Variants in SDK1 observed in about 807,000 individuals in gnomAD.
SDK1 encodes protein sidekick-1.
In SDK1, 157 loss-of-function variants were observed where a neutral mutation model predicts 245.5. The observed-to-expected ratio is 0.64, with a 90% CI of 0.56 to 0.73. The LOEUF (loss-of-function observed/expected upper bound fraction) is 0.73. SDK1 is among the 30% of genes least tolerant of loss of function. The pLI is 0.00. For missense variants in SDK1, 3,583 were observed against 3,002.3 expected (o/e 1.19, Z -4.52); for synonymous variants, 1,647 against 1,278.5 (o/e 1.29, Z -6.15).
intron 14 of SDK1, among the ~76,000 whole-genome samples, chr7:3,996,807 T>G (rs1583774180): frequency 6.6e-6 from 1 of 152,388 alleles, no homozygotes; most frequent in East Asian, 1.9e-4. Flanking sequence ...TATTGTTTTC[T>G]TTTTGTTTTT....
intron 31 of SDK1, among the ~76,000 whole-genome samples, chr7:4,161,570 G>A (rs373126473): frequency 3.3e-5 from 5 of 152,136 alleles, no homozygotes; most frequent in African/African-American, 1.2e-4. Context: ...TCTGTTTCTC[G>A]GGGCCATTGT....
intron 28 of SDK1, among the ~76,000 whole-genome samples, chr7:4,138,241 T>C (rs1225550712): frequency 6.6e-6 from 1 of 152,058 alleles, no homozygotes; most frequent in Non-Finnish European, 1.5e-5. Context: ...ATCCTAAAGG[T>C]CAGGGGAGGG....
chr7:3,871,009 C>A (rs1249601897), intron 5 of SDK1, among the ~76,000 whole-genome samples: 1 of 152,198 alleles, frequency 6.6e-6, no homozygotes, highest in African/African-American at 2.4e-5. Flanking sequence ...GACATCTTCA[C>A]AACATTGATC....
At chr7:3,460,370 G>T (rs1323538678) in intron 1 of SDK1, among the ~76,000 whole-genome samples, 2 of 152,170 alleles carry the variant, frequency 1.3e-5, no homozygotes. Context: ...TTTGGAATGT[G>T]AGTCAATATC....
intron 1 of SDK1, among the ~76,000 whole-genome samples, chr7:3,574,018 G>C (rs898427292): frequency 6.6e-6 from 1 of 152,020 alleles, no homozygotes; most frequent in African/African-American, 2.4e-5. Flanking sequence ...TTTCACTTCG[G>C]TTCTGCAGAT....
chr7:3,573,543 C>T (rs1023265083), intron 1 of SDK1, among the ~76,000 whole-genome samples: 3 of 152,082 alleles, frequency 2.0e-5, no homozygotes, highest in African/African-American at 4.8e-5. Context: ...GTGTGCACCT[C>T]GGGAAGAAGT....
intron 9 of SDK1, among the ~76,000 whole-genome samples, chr7:3,967,100 C>T (rs1195818316): frequency 3.3e-5 from 5 of 152,208 alleles, no homozygotes; most frequent in Admixed American, 1.3e-4. Context: ...TCTATTACAT[C>T]GTGACGCTGT....
intron 1 of SDK1, among the ~76,000 whole-genome samples, chr7:3,540,068 C>G (rs1779010501): frequency 6.6e-6 from 1 of 152,136 alleles, no homozygotes; most frequent in South Asian, 2.1e-4. Context: ...ATATGTGGAT[C>G]ACATTTGATT....
chr7:4,236,266 A>G (rs960301099), intron 41 of SDK1, among the ~76,000 whole-genome samples: 3 of 152,172 alleles, frequency 2.0e-5, no homozygotes, highest in Non-Finnish European at 4.4e-5. Context: ...CTCCCCTTCC[A>G]GGCCCATGGA....
chr7:3,581,224 A>G (rs1389519896), intron 1 of SDK1, among the ~76,000 whole-genome samples: 1 of 152,196 alleles, frequency 6.6e-6, no homozygotes, highest in Non-Finnish European at 1.5e-5. Context: ...TGACAAAGGT[A>G]TATCCAGTGT....
At chr7:3,859,979 G>C (rs182355704) in intron 5 of SDK1, among the ~76,000 whole-genome samples, 130 of 151,916 alleles carry the variant, frequency 8.6e-4, no homozygotes, top group African/African-American at 1.5e-3. Flanking sequence ...GAGTGCAGTG[G>C]CATGATCTTG....
At chr7:4,073,520 C>CATG (rs758186648) in intron 20 of SDK1, among the ~76,000 whole-genome samples, 4 of 152,224 alleles carry the variant, frequency 2.6e-5, no homozygotes, top group Non-Finnish European at 5.9e-5. Context: ...ACATGACAAA[C>CATG]ATGACGCTGT....
intron 23 of SDK1, among the ~76,000 whole-genome samples, chr7:4,111,433 A>C (rs560614273): frequency 7.2e-5 from 11 of 152,210 alleles, no homozygotes; most frequent in Non-Finnish European, 1.5e-4. Flanking sequence ...CGATTGGAGA[A>C]TGAAAGAATA....
At chr7:3,916,126 A>T (rs1779369052) in intron 5 of SDK1, among the ~76,000 whole-genome samples, 1 of 152,200 alleles carries the variant, frequency 6.6e-6, no homozygotes, top group African/African-American at 2.4e-5. Flanking sequence ...TTTAGAGAAA[A>T]GAACAAGCAA....
intron 5 of SDK1, among the ~76,000 whole-genome samples, chr7:3,906,157 T>G (rs1312023728): frequency 2.6e-5 from 4 of 152,220 alleles, no homozygotes; most frequent in African/African-American, 9.6e-5. Context: ...TGTCCTCACC[T>G]TTGAGTTTTT....
chr7:3,880,726 C>G (rs953777095), intron 5 of SDK1, among the ~76,000 whole-genome samples: 2 of 152,110 alleles, frequency 1.3e-5, no homozygotes, highest in African/African-American at 4.8e-5. Context: ...GCTGACCCAG[C>G]CTTCACTTCA....
Position 3,581,808 on chromosome 7 carries a change from A to G in SDK1, c.299-37272A>G, listed in dbSNP as rs77420466. Among the ~76,000 whole-genome samples the G allele has an allele frequency of 6.7e-3, 1,027 of 152,374 alleles. 12 individuals carry two copies. The highest frequency in any genetic ancestry group is 0.024 in the African/African-American group (988 of 41,586). On this transcript the variant is annotated intron_variant, in intron 1 of 44. Coordinates refer to ENST00000404826, the MANE Select transcript of SDK1 (RefSeq NM_152744.4). ...TGGTACATATACACCTCAGAATACT[A>G]TGCGGCCATGAAATAGAATGAGATT...
In SDK1 at chr7:4,050,868, GGTATATATTATATATACCATATA is replaced by G. The variant is rs1398516085; in HGVS notation, c.2719-753_2719-731del. 3.6e-5 allele frequency among the ~76,000 whole-genome samples: 5 copies of G among 138,192 alleles called. No homozygotes were observed. The South Asian group carries it at 9.0e-4, about 25-fold the overall frequency. The allele number at this position is 138,192 out of a possible 152,430, so 90.7% of individuals were successfully genotyped here. A position where few individuals can be genotyped will look rare whatever the true frequency, so the allele number is the denominator to read the frequency against. Reference sequence around the variant, plus strand: ...TTAAAATATATATTATATACTATATGGTATATATTATATATACCATATAGTATATATTATATATAGTATATATA... The same window carrying G: ...TTAAAATATATATTATATACTATATGGTATATATTATATATAGTATATATA... On this transcript the variant is annotated intron_variant, in intron 18 of 44. Coordinates refer to ENST00000404826, the MANE Select transcript of SDK1 (RefSeq NM_152744.4).
chr7:3,611,756 C>A (rs1035043986), intron 1 of SDK1, among the ~76,000 whole-genome samples: 7 of 151,862 alleles, frequency 4.6e-5, no homozygotes, highest in Non-Finnish European at 7.4e-5. Context: ...CAGGAAAATG[C>A]AAATCGAAAC....
Sources: allele counts gnomAD v4.1 joint callset (sites outside exome capture counted in the v4.1 genomes callset), GRCh38; gene constraint gnomAD v4.1.1; transcripts MANE v1.5; gene names NCBI Gene and HGNC (gene_info 2026-07-23, HGNC 2026-07-21).